RAD17: variants seen among roughly 807,000 people sequenced by gnomAD.
The protein encoded by RAD17 is RAD17 checkpoint clamp loader component.
RAD17 carries 31 observed loss-of-function variants against 81.5 expected under a neutral mutation model. The observed-to-expected ratio is 0.38, with a 90% confidence interval of 0.29 to 0.51. The LOEUF is 0.51. RAD17 is among the 20% of genes least tolerant of loss of function. The pLI is 0.88. For synonymous variants in RAD17, 261 were observed against 266.2 expected, an observed-to-expected ratio of 0.98 and a Z score of 0.19; for missense variants, 681 against 781.2, an observed-to-expected ratio of 0.87 and a Z score of 1.53.
chr5:69,396,326 G>A, intron 15 of RAD17, 71 bp from the exon 16 acceptor site: 1 of 1,485,014 alleles, frequency 6.7e-7, no homozygotes, highest in Non-Finnish European at 9.2e-7. Context: ...TAGTATTTTT[G>A]TATATATCAG....
At chr5:69,377,447 A>G (rs1387282378) in intron 6 of RAD17, among the ~76,000 whole-genome samples, 276 of 10,020 alleles carry the variant, frequency 0.028, 3 homozygotes, top group Middle Eastern at 0.2. Context: ...GTGTATATAT[A>G]TATATATATA....
chr5:69,388,606 T>G (rs890763365), intron 11 of RAD17, among the ~76,000 whole-genome samples: 4 of 152,166 alleles, frequency 2.6e-5, no homozygotes, highest in Non-Finnish European at 5.9e-5. Context: ...TTTAGTTTTT[T>G]ATTACTATTT....
intron 6 of RAD17, 47 bp downstream of exon 6, chr5:69,374,758 T>C: frequency 7.1e-7 from 1 of 1,402,628 alleles, no homozygotes; most frequent in Non-Finnish European, 1.0e-6. Context: ...AATATTTTTC[T>C]GACTTACAGT....
Position 69,413,594 on chromosome 5 carries a change from G to T in RAD17, c.1752-437G>T, listed in dbSNP as rs571138856. Among the ~76,000 whole-genome samples, 4 of 152,308 alleles carry T rather than the reference G, an allele frequency of 2.6e-5. No homozygotes were observed. The South Asian group carries it at 8.3e-4, about 32-fold the overall frequency. ...CTGTCGTACAGGCTGGAGTTCAGTG[G>T]CACGAGCTTGGCTCACTGCAGCTTC... On this transcript the variant is annotated intron_variant, in intron 18 of 18. Transcript: ENST00000354868.
At chr5:69,405,840 A>C (rs1159553224) in intron 17 of RAD17, among the ~76,000 whole-genome samples, 1 of 152,096 alleles carries the variant, frequency 6.6e-6, no homozygotes, top group Non-Finnish European at 1.5e-5. Flanking sequence ...CAGGAGTTTG[A>C]GACCAGCCTG....
At chr5:69,395,896 A>G (rs913039434) in intron 15 of RAD17, among the ~76,000 whole-genome samples, 3 of 152,214 alleles carry the variant, frequency 2.0e-5, no homozygotes, top group Non-Finnish European at 2.9e-5. Flanking sequence ...CTACCATAGC[A>G]TTATCATACC....
chr5:69,409,117 C>G (rs1349990399), intron 17 of RAD17, among the ~76,000 whole-genome samples: 5 of 152,072 alleles, frequency 3.3e-5, no homozygotes, highest in Non-Finnish European at 7.4e-5. Flanking sequence ...GAGCTTTTTC[C>G]TACGGACTGC....
At position 69,389,141 on chromosome 5, in the gene RAD17, A is replaced by G; in HGVS notation, c.1002A>G (p.Ser334=). 2 of 1,565,894 alleles carry G rather than the reference A, an allele frequency of 1.3e-6. No individual in the cohort carries two copies. The change falls in exon 12 of 19, where the codon TCA becomes TCG. Residue 334 remains serine, a synonymous_variant. Coordinates refer to ENST00000354868, the MANE Select transcript of RAD17 (RefSeq NM_133338.3). ...TAAACAGCCTCCAGTTTTCTTCTTC[A>G]AAAGGTAACTATGGAAGATACAGTC... ...SAINSLQFSS[S]KGENNLRPRK...
intron 16 of RAD17, among the ~76,000 whole-genome samples, chr5:69,397,110 A>G (rs974517779): frequency 2.7e-5 from 4 of 150,752 alleles, no homozygotes; most frequent in African/African-American, 7.3e-5. Context: ...GGGATTACAA[A>G]TGTGAGACAC....
In RAD17 at chr5:69,414,689, TTTA is replaced by T. The variant is rs1379608777; in HGVS notation, c.*400_*402del. The T allele has an allele frequency of 4.6e-6, 1 of 219,012 alleles. No homozygotes were observed. The highest frequency in any genetic ancestry group is 1.2e-4 in the East Asian group (1 of 8,606). 13.6% of individuals were successfully genotyped at this position (219,012 alleles called of 1,614,324 possible). A position where few individuals can be genotyped will look rare whatever the true frequency, so the allele number is the denominator to read the frequency against. ...TGTAAACTGTGTGCCTTATTTACAC[TTTA>T]TTGTCTCCCGCTTCTCAGATAGTTT... On this transcript the variant is annotated 3_prime_UTR_variant, in exon 19 of 19. Coordinates refer to ENST00000354868, the MANE Select transcript of RAD17 (RefSeq NM_133338.3).
At chr5:69,397,974 G>C (rs1210527230) in intron 16 of RAD17, among the ~76,000 whole-genome samples, 1 of 152,266 alleles carries the variant, frequency 6.6e-6, no homozygotes, top group Admixed American at 6.5e-5. Flanking sequence ...AAACTTAGCC[G>C]GGTGTGGCGG....
intron 8 of RAD17, among the ~76,000 whole-genome samples, chr5:69,385,765 G>C (rs1171158610): frequency 6.6e-6 from 1 of 152,068 alleles, no homozygotes; most frequent in Non-Finnish European, 1.5e-5. Flanking sequence ...AAATTTTAAT[G>C]GTTTAAGTAT....
At chr5:69,374,464 A>T (rs1763214916) in intron 5 of RAD17, among the ~76,000 whole-genome samples, 164 bp from the exon 6 acceptor site, 1 of 152,184 alleles carries the variant, frequency 6.6e-6, no homozygotes, top group Admixed American at 6.5e-5. Context: ...ATTTTTCCAT[A>T]ATAGTATAAA....
intron 18 of RAD17, among the ~76,000 whole-genome samples, chr5:69,413,480 A>C (rs1030681914): frequency 6.6e-6 from 1 of 152,130 alleles, no homozygotes; most frequent in African/African-American, 2.4e-5. Flanking sequence ...TGAAGACATT[A>C]TTTCTTTTTA....
At chr5:69,382,566 A>G (rs1199378912) in intron 7 of RAD17, among the ~76,000 whole-genome samples, 2 of 152,298 alleles carry the variant, frequency 1.3e-5, no homozygotes, top group East Asian at 3.9e-4. Context: ...TTCTGTTTGC[A>G]TTATTTATCT....
chr5:69,402,450 G>A (rs989089162), intron 17 of RAD17, among the ~76,000 whole-genome samples: 4 of 152,008 alleles, frequency 2.6e-5, no homozygotes, highest in African/African-American at 9.7e-5. Context: ...CGGATCACGA[G>A]GTCAGGAGAT....
chr5:69,380,141 A>C (rs1411708106), intron 6 of RAD17, among the ~76,000 whole-genome samples: 2 of 152,098 alleles, frequency 1.3e-5, no homozygotes, highest in Non-Finnish European at 2.9e-5. Flanking sequence ...TCGGCCTCCC[A>C]AAGTGCTGGG....
chr5:69,407,729 G>A (rs987336082), intron 17 of RAD17, among the ~76,000 whole-genome samples: 4 of 151,600 alleles, frequency 2.6e-5, no homozygotes, highest in Admixed American at 6.6e-5. Flanking sequence ...GGCATGTGCC[G>A]CTATGCCCGG....
intron 12 of RAD17, among the ~76,000 whole-genome samples, chr5:69,389,932 G>T (rs1185308682): frequency 1.3e-5 from 2 of 152,042 alleles, no homozygotes; most frequent in Non-Finnish European, 2.9e-5. Flanking sequence ...CACCTCATCT[G>T]GCCTGAAATT....
Sources: gnomAD v4.1 joint callset for allele counts (sites outside exome capture counted in the v4.1 genomes callset) on GRCh38, gnomAD v4.1.1 for gene constraint, MANE v1.5 for transcripts, NCBI Gene and HGNC (gene_info 2026-07-23, HGNC 2026-07-21) for gene names.